SHROOM4: variants seen among roughly 807,000 people sequenced by gnomAD.
The protein encoded by SHROOM4 is shroom family member 4.
In SHROOM4, 17 loss-of-function variants were observed where a neutral mutation model predicts 80.3. The ratio of observed to expected loss-of-function variants is 0.21; its 90% CI spans 0.14 to 0.32. SHROOM4 has a LOEUF of 0.32. Ranked by LOEUF, SHROOM4 falls within the 10% of genes least tolerant of loss-of-function variation. The pLI is 1.00. For missense variants in SHROOM4, 993 were observed against 1,140.3 expected (o/e 0.87, Z 1.86); for synonymous variants, 400 against 437.5 (o/e 0.91, Z 1.07).
intron 2 of SHROOM4, among the ~76,000 whole-genome samples, chrX:50,682,557 C>T (rs955270386): frequency 4.5e-5 from 5 of 111,448 alleles, no homozygotes; most frequent in Admixed American, 2.9e-4. Context: ...CAGGCTGTTA[C>T]GATTCTAGAT....
At chrX:50,717,792 G>A (rs1350839485) in intron 1 of SHROOM4, among the ~76,000 whole-genome samples, 1 of 111,821 alleles carries the variant, frequency 8.9e-6, no homozygotes, top group Non-Finnish European at 1.9e-5. Flanking sequence ...CAGCACTGTG[G>A]GTAAGGAAAA....
At chrX:50,722,612 C>T (rs960875189) in intron 1 of SHROOM4, among the ~76,000 whole-genome samples, 5 of 110,849 alleles carry the variant, frequency 4.5e-5, no homozygotes, top group Non-Finnish European at 9.4e-5. Context: ...CAAAAGCCTT[C>T]CAGGCCTGCT....
chrX:50,758,068 TTTC>T (rs1257498154), intron 1 of SHROOM4, among the ~76,000 whole-genome samples: 2 of 111,761 alleles, frequency 1.8e-5, no homozygotes, highest in Non-Finnish European at 3.8e-5. Context: ...ATGAAAATGT[TTTC>T]TTAATTTCAT....
rs185180883 is a variant in SHROOM4 at position 50,752,696 on chromosome X, T to C, written c.118-56759A>G. On this transcript the variant is annotated intron_variant, in intron 1 of 8. Transcript: ENST00000376020. ...TAAAGGAGAAAAATCAAATTCCAGGTTGGAATCCTCATTTATGCCAGACAG... is the reference window on the plus strand; with the variant it reads ...TAAAGGAGAAAAATCAAATTCCAGGCTGGAATCCTCATTTATGCCAGACAG... 5.4e-5 allele frequency among the ~76,000 whole-genome samples: 6 copies of C among 112,119 alleles called. No individual in the cohort carries two copies. The East Asian group carries it at 1.4e-3, about 26-fold the overall frequency.
At chrX:50,798,260 T>C (rs1203826638) in intron 1 of SHROOM4, among the ~76,000 whole-genome samples, 1 of 111,726 alleles carries the variant, frequency 9.0e-6, no homozygotes, top group Non-Finnish European at 1.9e-5. Flanking sequence ...TGCCAGTTAC[T>C]GGTCCAATGA....
intron 1 of SHROOM4, among the ~76,000 whole-genome samples, chrX:50,753,805 T>A (rs1411902013): frequency 8.9e-6 from 1 of 111,891 alleles, no homozygotes; most frequent in Non-Finnish European, 1.9e-5. Context: ...ATATACGTAT[T>A]GTTATATTGT....
chrX:50,578,892 A>G, the SHROOM4 span, among the ~76,000 whole-genome samples: 1 of 112,179 alleles, frequency 8.9e-6, no homozygotes, highest in African/African-American at 3.2e-5. Context: ...CTGCAAAGAC[A>G]TGGGGAGTAA....
At chrX:50,759,416 T>A (rs1168495521) in intron 1 of SHROOM4, among the ~76,000 whole-genome samples, 1 of 111,926 alleles carries the variant, frequency 8.9e-6, no homozygotes, top group Non-Finnish European at 1.9e-5. Flanking sequence ...AGAAAATTGA[T>A]TTCTGTTATT....
At chrX:50,607,275 T>A (rs1400234602) in intron 6 of SHROOM4, 106 bp downstream of exon 6, 2 of 894,975 alleles carry the variant, frequency 2.2e-6, no homozygotes, top group Non-Finnish European at 3.2e-6. Context: ...CTGGGAGCAG[T>A]TTAACTGGCC....
rs1931189133 is a variant in SHROOM4, at chrX:50,633,782, T to C, written c.2291A>G (p.Asp764Gly). The part of the protein sequence containing the change: ...LKASTAQAGE[D>G]AILLPFADRR... The stretch of plus-strand genomic sequence containing the variant: ...GTCTGCAAAAGGCAAGAGGATGGCA[T>C]CCTCCCCAGCTTGAGCAGTAGAAGC... Residue 764 changes from aspartate to glycine, a missense_variant, in exon 4 of 9, where the codon GAT (aspartate) becomes GGT (glycine). By Grantham distance (94) the Asp-to-Gly change is moderately conservative (BLOSUM62 -1). Coordinates refer to ENST00000376020, the MANE Select transcript of SHROOM4 (RefSeq NM_020717.5). 8.2e-7 allele frequency: 1 copy of C among 1,212,279 alleles called. No homozygotes were observed. Among genetic ancestry groups the C allele is most frequent in the Non-Finnish European group, 1.1e-6 (1 of 895,634 alleles).
At chrX:50,735,902 G>A (rs1489597378) in intron 1 of SHROOM4, among the ~76,000 whole-genome samples, 1 of 109,258 alleles carries the variant, frequency 9.2e-6, no homozygotes, top group Non-Finnish European at 1.9e-5. Context: ...GGATACTTGG[G>A]AGGCTGAGGC....
intron 1 of SHROOM4, among the ~76,000 whole-genome samples, chrX:50,702,867 A>G (rs1352539668): frequency 8.9e-6 from 1 of 112,006 alleles, no homozygotes; most frequent in East Asian, 2.8e-4. Flanking sequence ...AGTTTCCCCA[A>G]TGCTGTTCTT....
At chrX:50,724,870 G>A (rs1934210862) in intron 1 of SHROOM4, among the ~76,000 whole-genome samples, 1 of 111,746 alleles carries the variant, frequency 8.9e-6, no homozygotes. Flanking sequence ...CATCACTTAT[G>A]TCTTTGGTAT....
At chrX:50,756,804 T>G (rs1935048225) in intron 1 of SHROOM4, among the ~76,000 whole-genome samples, 1 of 112,070 alleles carries the variant, frequency 8.9e-6, no homozygotes, top group African/African-American at 3.2e-5. Context: ...GATAAATGTC[T>G]ATTCAAATTC....
chrX:50,744,334 A>T (rs2147583783), intron 1 of SHROOM4, among the ~76,000 whole-genome samples: 1 of 111,046 alleles, frequency 9.0e-6, no homozygotes, highest in African/African-American at 3.3e-5. Context: ...CTGCTTCAGT[A>T]ATCTCTCTTC....
At chrX:50,658,912 T>C (rs1932405627) in intron 2 of SHROOM4, among the ~76,000 whole-genome samples, 1 of 111,499 alleles carries the variant, frequency 9.0e-6, no homozygotes, top group Non-Finnish European at 1.9e-5. Context: ...AATGCTTTGA[T>C]GCTGGGGACA....
At chrX:50,785,125 G>A (rs1274673211) in intron 1 of SHROOM4, among the ~76,000 whole-genome samples, 1 of 111,502 alleles carries the variant, frequency 9.0e-6, no homozygotes, top group African/African-American at 3.3e-5. Flanking sequence ...AATAAGTGTT[G>A]GTGAGAATGT....
At chrX:50,767,066 C>T (rs1163584652) in intron 1 of SHROOM4, among the ~76,000 whole-genome samples, 9 of 112,012 alleles carry the variant, frequency 8.0e-5, no homozygotes, top group Non-Finnish European at 1.5e-4. Context: ...AAAACAGGCA[C>T]ACTTATGCAG....
chrX:50,665,673 C>T (rs1932668716), intron 2 of SHROOM4, among the ~76,000 whole-genome samples: 1 of 110,221 alleles, frequency 9.1e-6, no homozygotes, highest in Non-Finnish European at 1.9e-5. Flanking sequence ...CTTCGTACCT[C>T]AGTCTCCTTA....
Sources: gnomAD v4.1 joint callset for allele counts (sites outside exome capture counted in the v4.1 genomes callset) on GRCh38, gnomAD v4.1.1 for gene constraint, MANE v1.5 for transcripts, NCBI Gene and HGNC (gene_info 2026-07-23, HGNC 2026-07-21) for gene names.